Variants in BLMH observed in about 807,000 individuals in gnomAD.
BLMH encodes the protein bleomycin hydrolase.
A neutral mutation model predicts 61.6 loss-of-function variants in BLMH; 32 were observed. That is an observed-to-expected ratio of 0.52 (90% CI 0.39 to 0.70). The LOEUF is 0.70. BLMH is among the 30% of genes least tolerant of loss of function. BLMH has a pLI of 0.00. For synonymous variants in BLMH, 183 were observed against 193.8 expected (o/e 0.94, Z 0.46); for missense variants, 460 against 555.5 (o/e 0.83, Z 1.73).
At chr17:30,266,798 C>T in intron 11 of BLMH, 87 bp downstream of exon 11, 1 of 1,216,016 alleles carries the variant, frequency 8.2e-7, no homozygotes, top group South Asian at 1.2e-5. Context: ...ACTGAGAAAT[C>T]CTCCACACTA....
At chr17:30,270,796 C>T (rs780416704) in intron 10 of BLMH, among the ~76,000 whole-genome samples, 6 of 152,172 alleles carry the variant, frequency 3.9e-5, no homozygotes, top group East Asian at 1.9e-4. Flanking sequence ...AAATACTTTA[C>T]ATCCAATTTC....
At chr17:30,289,985 ACAC>A (rs372031943) in intron 2 of BLMH, among the ~76,000 whole-genome samples, 19 of 147,520 alleles carry the variant, frequency 1.3e-4, no homozygotes, top group African/African-American at 4.8e-4. Flanking sequence ...ACACTATTAA[ACAC>A]ACACACACAC....
chr17:30,279,496 C>G (rs1200784319), intron 6 of BLMH, among the ~76,000 whole-genome samples: 1 of 152,180 alleles, frequency 6.6e-6, no homozygotes, highest in Non-Finnish European at 1.5e-5. Context: ...TTCTAGCAAC[C>G]TATAACTAGA....
intron 11 of BLMH, among the ~76,000 whole-genome samples, chr17:30,258,834 CAA>C (rs1367354749): frequency 6.6e-6 from 1 of 152,154 alleles, no homozygotes; most frequent in African/African-American, 2.4e-5. Flanking sequence ...TTGTTTCAGA[CAA>C]AGTCTGCTTG....
Position 30,291,504 on chromosome 17 carries a change from C to T in BLMH, c.18G>A (p.Leu6=), listed in dbSNP as rs372786407. 2.5e-5 allele frequency: 41 copies of T among 1,614,042 alleles called. No homozygotes were observed. Among genetic ancestry groups the T allele is most frequent in the Non-Finnish European group, 3.4e-5 (40 of 1,180,002 alleles). MSSSG[L]NSEKVAALIQ... is the part of the protein sequence containing the mutation. ...TCAGAGCAGCTACCTTCTCCGAATT[C>T]AGTCCTGTTGGGAGACCAAACAGGA... The change falls in exon 2 of 12, where the codon CTG becomes CTA. Residue 6 remains leucine (L), a synonymous_variant. Coordinates refer to ENST00000261714, the MANE Select transcript of BLMH (RefSeq NM_000386.4).
chr17:30,261,141 C>T (rs1362670696), intron 11 of BLMH, among the ~76,000 whole-genome samples: 1 of 152,190 alleles, frequency 6.6e-6, no homozygotes, highest in Non-Finnish European at 1.5e-5. Context: ...GAACCTCAAA[C>T]AGACCTGCAA....
At chr17:30,271,418 G>C (rs1296383641) in intron 9 of BLMH, 30 bp from the exon 10 acceptor site, 2 of 1,565,452 alleles carry the variant, frequency 1.3e-6, no homozygotes, top group Non-Finnish European at 1.8e-6. Flanking sequence ...ACAAAATAAA[G>C]GGAGTACGAT....
intron 10 of BLMH, among the ~76,000 whole-genome samples, chr17:30,270,859 A>G (rs1384279631): frequency 6.6e-6 from 1 of 152,222 alleles, no homozygotes; most frequent in Admixed American, 6.5e-5. Flanking sequence ...AATTACTGTT[A>G]TTGACATTTT....
chr17:30,283,646 C>G (rs1256172708), intron 6 of BLMH, among the ~76,000 whole-genome samples: 1 of 151,662 alleles, frequency 6.6e-6, no homozygotes, highest in Non-Finnish European at 1.5e-5. Flanking sequence ...CTCAGCCTCC[C>G]GAGTAGCTGG....
Position 30,249,154 on chromosome 17 carries a change from T to C in BLMH, c.1231A>G (p.Thr411Ala). The part of the protein sequence containing the change: ...DHGHKGYLCM[T>A]DEWFSEYVYE... ...ACATACTCAGAGAACCACTCATCTG[T>C]CATGCACAGGTAACCTGGAGAAAAG... Residue 411 changes from threonine (T) to alanine (A), a missense_variant, in exon 12 of 12, where the codon ACA (threonine) becomes GCA (alanine). Physicochemically the swap from Thr to Ala is moderately conservative, Grantham distance 58 (BLOSUM62 0). Transcript: ENST00000261714. The C allele has an allele frequency of 1.2e-6, 2 of 1,614,118 alleles. No homozygotes were observed. The highest frequency in any genetic ancestry group is 1.7e-6 in the Non-Finnish European group (2 of 1,179,960).
rs138300670 is a variant in BLMH at position 30,254,388 on chromosome 17, A to G, written c.1217-5220T>C. The stretch of plus-strand genomic sequence containing the variant: ...TCAAGGTTGAAGAAAGGCTCCCAGA[A>G]AGGAAAGCAGAAGCCTCACTGGCAC... On this transcript the variant is annotated intron_variant, in intron 11 of 11. Transcript: ENST00000261714. Among the ~76,000 whole-genome samples, 681 of 152,316 alleles carry G rather than the reference A, an allele frequency of 4.5e-3. 8 individuals carry two copies. Among genetic ancestry groups the G allele is most frequent in the African/African-American group, 0.016 (655 of 41,558 alleles).
At chr17:30,282,911 T>C (rs920236633) in intron 6 of BLMH, among the ~76,000 whole-genome samples, 1 of 152,228 alleles carries the variant, frequency 6.6e-6, no homozygotes, top group East Asian at 1.9e-4. Flanking sequence ...CTTTATAATA[T>C]GCACAATCTT....
chr17:30,251,489 GCACCACGACTGT>G (rs1029708684), intron 11 of BLMH, among the ~76,000 whole-genome samples: 2 of 152,366 alleles, frequency 1.3e-5, no homozygotes, highest in African/African-American at 4.8e-5. Flanking sequence ...ATGGCCATCA[GCACCACGACTGT>G]CATCTGACCG....
chr17:30,278,676 G>A (rs1003944689), intron 6 of BLMH, among the ~76,000 whole-genome samples: 1 of 150,928 alleles, frequency 6.6e-6, no homozygotes, highest in Non-Finnish European at 1.5e-5. Context: ...CTTTTTTTGT[G>A]GGGGGGAGCG....
intron 11 of BLMH, among the ~76,000 whole-genome samples, chr17:30,258,534 T>C (rs1164076772): frequency 6.6e-6 from 1 of 152,156 alleles, no homozygotes; most frequent in Non-Finnish European, 1.5e-5. Context: ...TTGTGGTTTG[T>C]ATTTTTTAAA....
chr17:30,280,573 C>A (rs1161590662), intron 6 of BLMH, among the ~76,000 whole-genome samples: 2 of 152,052 alleles, frequency 1.3e-5, no homozygotes, highest in Admixed American at 6.6e-5. Flanking sequence ...AACTCCTGGG[C>A]TCAAGTGATC....
intron 6 of BLMH, 59 bp downstream of exon 6, chr17:30,285,329 T>C: frequency 1.7e-6 from 2 of 1,172,028 alleles, no homozygotes; most frequent in Non-Finnish European, 2.5e-6. Context: ...CTTTAACAGA[T>C]GGGAATATTC....
chr17:30,291,081 C>T, intron 2 of BLMH: 4 of 575,176 alleles, frequency 7.0e-6, no homozygotes, highest in Non-Finnish European at 9.3e-6. Context: ...CAAACGTATA[C>T]TCATGGACAT....
chr17:30,263,417 C>T (rs886942708), intron 11 of BLMH, among the ~76,000 whole-genome samples: 1 of 152,118 alleles, frequency 6.6e-6, no homozygotes, highest in Non-Finnish European at 1.5e-5. Flanking sequence ...TGTTCCCTCA[C>T]CTAATTGTGA....
Sources: gnomAD v4.1 joint callset for allele counts (sites outside exome capture counted in the v4.1 genomes callset) on GRCh38, gnomAD v4.1.1 for gene constraint, MANE v1.5 for transcripts, NCBI Gene and HGNC (gene_info 2026-07-23, HGNC 2026-07-21) for gene names.